CPN1: variants seen among roughly 807,000 people sequenced by gnomAD.
CPN1 encodes carboxypeptidase N subunit 1.
CPN1 carries 37 observed loss-of-function variants against 46.4 expected under a neutral mutation model. The observed-to-expected ratio is 0.80, with a 90% confidence interval of 0.61 to 1.05. The LOEUF is 1.05. CPN1 is among the 50% of genes least tolerant of loss of function. CPN1 has a pLI of 0.00. For synonymous variants in CPN1, 224 were observed against 235.4 expected, an observed-to-expected ratio of 0.95 and a Z score of 0.44; for missense variants, 563 against 602.6, an observed-to-expected ratio of 0.93 and a Z score of 0.69.
rs45518542 is a variant in CPN1 at position 100,042,242 on chromosome 10, A to C, written c.*185T>G. 16,990 of 757,442 alleles carry C rather than the reference A, an allele frequency of 0.022. 245 individuals carry two copies. The highest frequency in any genetic ancestry group is 0.03 in the Middle Eastern group (77 of 2,574). 46.9% of individuals were successfully genotyped at this position (757,442 alleles called of 1,614,324 possible). ...CCCGGCCACCACATCACCTTTCAAT[A>C]GATCCTAATTTTTTTCATGATGACC... On this transcript the variant is annotated 3_prime_UTR_variant, in exon 9 of 9. Transcript: ENST00000370418.
At chr10:100,080,058 C>A (rs2041535551) in intron 1 of CPN1, among the ~76,000 whole-genome samples, 1 of 151,028 alleles carries the variant, frequency 6.6e-6, no homozygotes, top group South Asian at 2.1e-4. Flanking sequence ...TGCATTCCAG[C>A]CTGGGCAACA....
rs564732752 is a variant in CPN1 at position 100,071,369 on chromosome 10, G to T, written c.421-1500C>A. On this transcript the variant is annotated intron_variant, in intron 2 of 8. Transcript: ENST00000370418. ...GGCACGCTCTCTGGTCCCCTTCTTT[G>T]TTTCTTCCAGGTTCTGGTGGCCAGA... 9.9e-5 allele frequency among the ~76,000 whole-genome samples: 15 copies of T among 152,256 alleles called. 1 individual carries two copies. The East Asian group carries it at 1.3e-3, about 14-fold the overall frequency.
At position 100,051,794 on chromosome 10, in the gene CPN1, G is replaced by A. The variant is rs976802281; in HGVS notation, c.1111+2553C>T. On this transcript the variant is annotated intron_variant, in intron 7 of 8. Transcript: ENST00000370418. ...TCCACCCGCCTTGGCCTCCCAAAGC[G>A]CTGGGATTACAGGCATGAGCTACTG... Among the ~76,000 whole-genome samples, 6 of 152,258 alleles carry A rather than the reference G, an allele frequency of 3.9e-5. No individual in the cohort carries two copies. The South Asian group carries it at 6.2e-4, about 16-fold the overall frequency.
intron 4 of CPN1, among the ~76,000 whole-genome samples, chr10:100,064,331 C>A (rs553239771): frequency 2.0e-5 from 3 of 149,848 alleles, no homozygotes; most frequent in African/African-American, 7.3e-5. Flanking sequence ...TACTTAATAT[C>A]ATTAATGTTT....
At position 100,057,349 on chromosome 10, in the gene CPN1, C is replaced by A. The variant is rs1335676260; in HGVS notation, c.872-197G>T. ...TAATAATATGTACATATTCATGGGG[C>A]ACACATAGTGACGTTTCAATAGACA... On this transcript the variant is annotated intron_variant, in intron 5 of 8. Coordinates refer to ENST00000370418, the MANE Select transcript of CPN1 (RefSeq NM_001308.3). Among the ~76,000 whole-genome samples the A allele has an allele frequency of 2.0e-5, 3 of 152,064 alleles. No individual in the cohort carries two copies. In the East Asian group the frequency reaches 5.8e-4, roughly 29 times the overall value.
intron 5 of CPN1, 22 bp downstream of exon 5, chr10:100,063,592 C>T: frequency 6.6e-7 from 1 of 1,515,262 alleles, no homozygotes; most frequent in Non-Finnish European, 9.2e-7. Context: ...TCAGCTTGAG[C>T]AGTTCCCAGG....
At position 100,079,788 on chromosome 10, in the gene CPN1, C is replaced by T. The variant is rs187505857; in HGVS notation, c.223+1615G>A. 2.7e-4 allele frequency among the ~76,000 whole-genome samples: 41 copies of T among 152,218 alleles called. No individual in the cohort carries two copies. In the East Asian group the frequency reaches 5.2e-3, roughly 19 times the overall value. ...ATGGAAGATTCAGAGTGCAGCAGTT[C>T]GAAGTTAGAGACCTGGCTGGGCACG... is the stretch of plus-strand genomic sequence containing the variant. On this transcript the variant is annotated intron_variant, in intron 1 of 8. Transcript: ENST00000370418.
At chr10:100,059,140 G>A (rs1459283734) in intron 5 of CPN1, among the ~76,000 whole-genome samples, 1 of 151,922 alleles carries the variant, frequency 6.6e-6, no homozygotes, top group Non-Finnish European at 1.5e-5. Flanking sequence ...ATGATTTCCT[G>A]GATATAAAAT....
chr10:100,049,258 C>CTT (rs570040770), intron 7 of CPN1, among the ~76,000 whole-genome samples: 3 of 137,660 alleles, frequency 2.2e-5, no homozygotes, highest in South Asian at 2.3e-4. Flanking sequence ...AGCCCGTTGG[C>CTT]TTTTTTTTTT....
chr10:100,056,949 C>T (rs1008116002), intron 6 of CPN1, 64 bp downstream of exon 6: 1 of 1,608,452 alleles, frequency 6.2e-7, no homozygotes, highest in Non-Finnish European at 8.5e-7. Flanking sequence ...AGTGAAACAC[C>T]TTGCCTGCCA....
chr10:100,070,940 C>T (rs772827485), intron 2 of CPN1, among the ~76,000 whole-genome samples: 2 of 152,172 alleles, frequency 1.3e-5, no homozygotes, highest in Non-Finnish European at 2.9e-5. Flanking sequence ...TTCCCATTTA[C>T]AGTCACTTCT....
At chr10:100,081,288 G>A in intron 1 of CPN1, 115 bp downstream of exon 1, 5 of 880,026 alleles carry the variant, frequency 5.7e-6, no homozygotes, top group Non-Finnish European at 9.2e-6. Context: ...CTGAGAAAGA[G>A]ATAATACCTT....
chr10:100,042,345 G>A lies in CPN1; in HGVS notation c.*82C>T. 1 of 1,544,876 alleles carries A rather than the reference G, an allele frequency of 6.5e-7. No homozygotes were observed. Among genetic ancestry groups the A allele is most frequent in the South Asian group, 1.1e-5 (1 of 89,398 alleles). On this transcript the variant is annotated 3_prime_UTR_variant, in exon 9 of 9. Coordinates refer to ENST00000370418, the MANE Select transcript of CPN1 (RefSeq NM_001308.3). ...TATGTTTGTATTTAAATATGTCCCA[G>A]ATAATAAAATAGAAAGAATGCTTGA... is the stretch of plus-strand genomic sequence containing the variant.
At chr10:100,053,007 A>G (rs1017556804) in intron 7 of CPN1, among the ~76,000 whole-genome samples, 3 of 152,334 alleles carry the variant, frequency 2.0e-5, no homozygotes, top group Non-Finnish European at 4.4e-5. Context: ...GCTCATAAGG[A>G]TGATTCCTAC....
At chr10:100,057,931 A>C (rs1015326866) in intron 5 of CPN1, among the ~76,000 whole-genome samples, 2 of 152,152 alleles carry the variant, frequency 1.3e-5, no homozygotes, top group African/African-American at 4.8e-5. Flanking sequence ...CAGGCTAATT[A>C]GGCTAATTAG....
rs1207476018 is a variant in CPN1, at chr10:100,069,707, C to A, written c.576+7G>T. 3.1e-6 allele frequency: 5 copies of A among 1,613,910 alleles called. No individual in the cohort carries two copies. Among genetic ancestry groups the A allele is most frequent in the Non-Finnish European group, 4.2e-6 (5 of 1,179,994 alleles). Reference sequence around the variant, plus strand: ...TACCTGCTTTGTTTGCAAATTTCATCTCCTACCTGACTTTTCCAGTTGTCT... The same window carrying A: ...TACCTGCTTTGTTTGCAAATTTCATATCCTACCTGACTTTTCCAGTTGTCT... On this transcript the variant is annotated splice_region_variant and intron_variant, in intron 3 of 8. Coordinates refer to ENST00000370418, the MANE Select transcript of CPN1 (RefSeq NM_001308.3).
chr10:100,066,945 C>T (rs528538585), intron 3 of CPN1, among the ~76,000 whole-genome samples: 2 of 152,314 alleles, frequency 1.3e-5, no homozygotes, highest in South Asian at 4.1e-4. Flanking sequence ...CAAGGATATT[C>T]CATCAGGAGC....
chr10:100,052,418 T>C (rs2041360826), intron 7 of CPN1, among the ~76,000 whole-genome samples: 2 of 151,864 alleles, frequency 1.3e-5, no homozygotes, highest in Admixed American at 6.6e-5. Context: ...GGTTTCACCA[T>C]GTTGGCCAGG....
intron 5 of CPN1, among the ~76,000 whole-genome samples, chr10:100,058,818 CA>C (rs146012968): frequency 3.7e-4 from 57 of 152,236 alleles, no homozygotes; most frequent in African/African-American, 1.3e-3. Flanking sequence ...GTAATCAAAA[CA>C]ATGTGGTACT....
Sources: allele counts gnomAD v4.1 joint callset (sites outside exome capture counted in the v4.1 genomes callset), GRCh38; gene constraint gnomAD v4.1.1; transcripts MANE v1.5; gene names NCBI Gene and HGNC (gene_info 2026-07-23, HGNC 2026-07-21).